Variants in HSD17B11 observed in about 807,000 individuals in gnomAD.
HSD17B11 encodes hydroxysteroid 17-beta dehydrogenase 11.
A neutral mutation model predicts 27.8 loss-of-function variants in HSD17B11; 22 were observed. The ratio of observed to expected loss-of-function variants is 0.79; its 90% CI spans 0.56 to 1.13. The LOEUF is 1.13. Among genes scored for constraint, HSD17B11 ranks in the 50% most tolerant of loss-of-function variants. The probability of loss-of-function intolerance (pLI) is 0.00; values close to 1 mark genes in which losing one functional copy is unlikely to be tolerated. For missense variants in HSD17B11, 314 were observed against 351.1 expected (o/e 0.89, Z 0.84); for synonymous variants, 117 against 132.8 (o/e 0.88, Z 0.82).
At chr4:87,344,259 A>G (rs553786535) in intron 5 of HSD17B11, among the ~76,000 whole-genome samples, 122 of 152,358 alleles carry the variant, frequency 8.0e-4, no homozygotes, top group African/African-American at 2.9e-3. Context: ...AGAAAAAATA[A>G]ATTGTGTTAT....
chr4:87,359,767 C>G (rs1239806790), intron 4 of HSD17B11, among the ~76,000 whole-genome samples: 1 of 152,184 alleles, frequency 6.6e-6, no homozygotes, highest in East Asian at 1.9e-4. Flanking sequence ...GGTTATCAAA[C>G]TTGCCTGAAG....
intron 2 of HSD17B11, among the ~76,000 whole-genome samples, chr4:87,378,030 C>G (rs1279884222): frequency 6.6e-6 from 1 of 152,164 alleles, no homozygotes; most frequent in Non-Finnish European, 1.5e-5. Context: ...CCAGATCTGT[C>G]TGACGTCAGA....
intron 4 of HSD17B11, among the ~76,000 whole-genome samples, chr4:87,367,951 A>G (rs1196145804): frequency 6.6e-6 from 1 of 152,242 alleles, no homozygotes; most frequent in Non-Finnish European, 1.5e-5. Flanking sequence ...TTGTGTGGGA[A>G]CACAGGACAG....
chr4:87,378,528 A>G (rs1719966820), intron 2 of HSD17B11, among the ~76,000 whole-genome samples: 1 of 151,730 alleles, frequency 6.6e-6, no homozygotes, highest in African/African-American at 2.4e-5. Context: ...CAATTAAATT[A>G]CTATTATTAA....
intron 6 of HSD17B11, among the ~76,000 whole-genome samples, chr4:87,338,917 G>A (rs1208357311): frequency 6.6e-6 from 1 of 152,154 alleles, no homozygotes; most frequent in Non-Finnish European, 1.5e-5. Flanking sequence ...TACAGATAAA[G>A]AAACTGAACT....
At chr4:87,361,134 T>C (rs773395275) in intron 4 of HSD17B11, among the ~76,000 whole-genome samples, 1 of 152,106 alleles carries the variant, frequency 6.6e-6, no homozygotes, top group Non-Finnish European at 1.5e-5. Context: ...TAAGATGACA[T>C]AGGAGGTCAG....
intron 4 of HSD17B11, among the ~76,000 whole-genome samples, chr4:87,363,851 A>C (rs770101622): frequency 1.2e-4 from 19 of 152,304 alleles, no homozygotes; most frequent in Admixed American, 3.9e-4. Context: ...ATATGTGTCT[A>C]TTCTCTTCTC....
chr4:87,344,228 T>C (rs1200003522), intron 5 of HSD17B11, among the ~76,000 whole-genome samples: 1 of 152,194 alleles, frequency 6.6e-6, no homozygotes, highest in Non-Finnish European at 1.5e-5. Context: ...GACACACACA[T>C]ACAAACTCCT....
chr4:87,380,690 T>C (rs1365840383), intron 2 of HSD17B11, among the ~76,000 whole-genome samples: 2 of 149,414 alleles, frequency 1.3e-5, no homozygotes, highest in African/African-American at 2.5e-5. Flanking sequence ...ATCCCGTCTC[T>C]ACTAAAAATA....
Position 87,359,733 on chromosome 4 carries a change from A to G in HSD17B11, c.558-2317T>C, listed in dbSNP as rs191662356. ...AAATATATTAAGATCCTCATTTACC[A>G]AAGAGGAAACTGAGGTAAAGATGGG... On this transcript the variant is annotated intron_variant, in intron 4 of 6. Transcript: ENST00000358290. Among the ~76,000 whole-genome samples the G allele has an allele frequency of 5.3e-5, 8 of 152,324 alleles. No homozygotes were observed. The East Asian group carries it at 1.5e-3, about 29-fold the overall frequency.
At chr4:87,374,145 T>C (rs994273680) in intron 3 of HSD17B11, among the ~76,000 whole-genome samples, 5 of 152,122 alleles carry the variant, frequency 3.3e-5, no homozygotes, top group Admixed American at 3.3e-4. Flanking sequence ...GGCAACATGG[T>C]GAAACCCCAT....
At chr4:87,363,080 T>C (rs1735546967) in intron 4 of HSD17B11, among the ~76,000 whole-genome samples, 1 of 152,106 alleles carries the variant, frequency 6.6e-6, no homozygotes, top group African/African-American at 2.4e-5. Flanking sequence ...GAGTAGCTAA[T>C]GTCTATGTTT....
chr4:87,380,689 C>A (rs1720132338), intron 2 of HSD17B11, among the ~76,000 whole-genome samples: 1 of 150,180 alleles, frequency 6.7e-6, no homozygotes, highest in African/African-American at 2.5e-5. Flanking sequence ...AATCCCGTCT[C>A]TACTAAAAAT....
chr4:87,343,088 A>G (rs1366607541), intron 5 of HSD17B11, among the ~76,000 whole-genome samples: 8 of 152,192 alleles, frequency 5.3e-5, no homozygotes, highest in African/African-American at 1.9e-4. Context: ...TGGCCTTGCT[A>G]ACCTACCTAT....
chr4:87,379,799 T>TATA (rs561942506), intron 2 of HSD17B11, among the ~76,000 whole-genome samples: 4,269 of 141,542 alleles, frequency 0.03, 242 homozygotes, highest in African/African-American at 0.11. Context: ...TATAGTATAA[T>TATA]ATACTATAGT....
rs1166562073 is a variant in HSD17B11, at chr4:87,336,766, G to A, written c.*510C>T. ...CATTGGAATGTGAGGTATCTCTCAGGAAACAGAGTGGCAATGGGTAGGATG... is the reference window on the plus strand; with the variant it reads ...CATTGGAATGTGAGGTATCTCTCAGAAAACAGAGTGGCAATGGGTAGGATG... On this transcript the variant is annotated 3_prime_UTR_variant, in exon 7 of 7. Coordinates refer to ENST00000358290, the MANE Select transcript of HSD17B11 (RefSeq NM_016245.5). The A allele has an allele frequency of 1.9e-5, 3 of 154,142 alleles. No homozygotes were observed. The highest frequency in any genetic ancestry group is 7.2e-5 in the African/African-American group (3 of 41,410). 9.5% of individuals were successfully genotyped at this position (154,142 alleles called of 1,614,324 possible). A position where few individuals can be genotyped will look rare whatever the true frequency, so the allele number is the denominator to read the frequency against.
chr4:87,337,732 T>C (rs574300742), intron 6 of HSD17B11, among the ~76,000 whole-genome samples: 1 of 152,364 alleles, frequency 6.6e-6, no homozygotes. Flanking sequence ...TAATGCAGAA[T>C]ATTATTAAAA....
chr4:87,373,674 C>A (rs895336547), intron 3 of HSD17B11, among the ~76,000 whole-genome samples: 5 of 151,978 alleles, frequency 3.3e-5, no homozygotes, highest in African/African-American at 1.2e-4. Flanking sequence ...CACGTCACTG[C>A]ACTCCAGCCT....
chr4:87,378,731 G>C (rs1035335961), intron 2 of HSD17B11, among the ~76,000 whole-genome samples: 15 of 139,666 alleles, frequency 1.1e-4, no homozygotes, highest in Non-Finnish European at 2.1e-4. Flanking sequence ...CCAAGAGTTC[G>C]ATTATTTTAA....
Sources: gnomAD v4.1 joint callset for allele counts (sites outside exome capture counted in the v4.1 genomes callset) on GRCh38, gnomAD v4.1.1 for gene constraint, MANE v1.5 for transcripts, NCBI Gene and HGNC (gene_info 2026-07-23, HGNC 2026-07-21) for gene names.